The following CDH23 variants were observed in gnomAD, a reference collection of about 807,000 sequenced individuals.
CDH23 encodes cadherin related 23.
CDH23 carries 189 observed loss-of-function variants against 317.1 expected under a neutral mutation model. The ratio of observed to expected loss-of-function variants is 0.60; its 90% CI spans 0.53 to 0.67. The LOEUF is 0.67. CDH23 is among the 30% of genes least tolerant of loss of function. The probability of loss-of-function intolerance (pLI) is 0.00; values close to 1 mark genes in which losing one functional copy is unlikely to be tolerated. For missense variants in CDH23, 4,401 were observed against 4,592.4 expected, an observed-to-expected ratio of 0.96 and a Z score of 1.20; for synonymous variants, 1,839 against 1,876.8, an observed-to-expected ratio of 0.98 and a Z score of 0.52.
At chr10:71,628,048 C>A (rs1051145614) in intron 11 of CDH23, among the ~76,000 whole-genome samples, 1 of 152,216 alleles carries the variant, frequency 6.6e-6, no homozygotes, top group Non-Finnish European at 1.5e-5. Context: ...CACCTCATAC[C>A]CCTAACAGTG....
intron 3 of CDH23, among the ~76,000 whole-genome samples, chr10:71,463,568 G>A (rs1025570038): frequency 6.6e-5 from 10 of 152,194 alleles, no homozygotes; most frequent in African/African-American, 2.4e-4. Flanking sequence ...GCTCAGCAGG[G>A]ATCGCTGAAG....
At chr10:71,660,147 G>A (rs187882142) in intron 14 of CDH23, among the ~76,000 whole-genome samples, 1 of 152,040 alleles carries the variant, frequency 6.6e-6, no homozygotes, top group African/African-American at 2.4e-5. Flanking sequence ...TTTTAGTAGA[G>A]ATGGGGTTTC....
intron 9 of CDH23, among the ~76,000 whole-genome samples, chr10:71,606,639 G>A (rs897989519): frequency 1.3e-5 from 2 of 152,200 alleles, no homozygotes; most frequent in Non-Finnish European, 2.9e-5. Flanking sequence ...ATTCCAGTAG[G>A]GAGAAACAGA....
intron 9 of CDH23, among the ~76,000 whole-genome samples, chr10:71,581,899 C>G (rs750421077): frequency 3.9e-5 from 6 of 152,110 alleles, no homozygotes; most frequent in Non-Finnish European, 5.9e-5. Context: ...GCTGCACTCA[C>G]CCCCCCAACA....
intron 2 of CDH23, among the ~76,000 whole-genome samples, chr10:71,442,450 C>A (rs1409652992): frequency 6.6e-6 from 1 of 152,150 alleles, no homozygotes; most frequent in Non-Finnish European, 1.5e-5. Flanking sequence ...TCAGACCACA[C>A]TGCCCTCGCC....
chr10:71,800,714 C>A lies in CDH23; in HGVS notation c.7441C>A (p.Pro2481Thr), dbSNP rs748031825. The A allele has an allele frequency of 8.1e-6, 13 of 1,613,930 alleles. No homozygotes were observed. Among genetic ancestry groups the A allele is most frequent in the Middle Eastern group, 1.6e-4 (1 of 6,062 alleles). Reference sequence around the variant, plus strand: ...CCTGACTGCCTTGGCCAAAGACAACCCTGGGGATGTAGCCAGCAACCGTCG... The same window carrying A: ...CCTGACTGCCTTGGCCAAAGACAACACTGGGGATGTAGCCAGCAACCGTCG... ...YILTALAKDNPGDVASNRREN... is the reference protein window; with the variant it reads ...YILTALAKDNTGDVASNRREN... The change falls in exon 53 of 70, where the codon CCT becomes ACT. Residue 2481 changes from proline to threonine, a missense_variant. By Grantham distance (38) the Pro-to-Thr change is conservative. Transcript: ENST00000224721.
intron 11 of CDH23, among the ~76,000 whole-genome samples, chr10:71,632,280 G>A (rs1370447748): frequency 6.6e-6 from 1 of 152,206 alleles, no homozygotes; most frequent in Non-Finnish European, 1.5e-5. Context: ...CATTAAATCA[G>A]CAAGTGCGTA....
intron 17 of CDH23, among the ~76,000 whole-genome samples, chr10:71,681,363 A>G (rs1348059973): frequency 2.0e-5 from 3 of 152,134 alleles, no homozygotes; most frequent in Non-Finnish European, 4.4e-5. Flanking sequence ...ATGGCTTAGC[A>G]CAAACAAGTA....
At chr10:71,635,952 C>G (rs536396758) in intron 11 of CDH23, among the ~76,000 whole-genome samples, 2 of 152,114 alleles carry the variant, frequency 1.3e-5, no homozygotes, top group South Asian at 4.1e-4. Context: ...TCTGGGGTCC[C>G]TTTTATAAGG....
At chr10:71,771,498 C>G (rs1288110566) in intron 38 of CDH23, among the ~76,000 whole-genome samples, 1 of 152,240 alleles carries the variant, frequency 6.6e-6, no homozygotes, top group Non-Finnish European at 1.5e-5. Context: ...GCTGACCATG[C>G]CTGCAACCAG....
Position 71,463,113 on chromosome 10 carries a change from A to G in CDH23, c.145+16718A>G, listed in dbSNP as rs183351552. 2.1e-3 allele frequency among the ~76,000 whole-genome samples: 313 copies of G among 152,384 alleles called. 1 individual carries two copies. The highest frequency in any genetic ancestry group is 3.1e-3 in the Non-Finnish European group (214 of 68,038). ...TACTTGATTGACTAGAAATGTGTCAATGAGAAAACTGGTACTGCTTCTTAG... is the reference window on the plus strand; with the variant it reads ...TACTTGATTGACTAGAAATGTGTCAGTGAGAAAACTGGTACTGCTTCTTAG... On this transcript the variant is annotated intron_variant, in intron 3 of 69. Coordinates refer to ENST00000224721, the MANE Select transcript of CDH23 (RefSeq NM_022124.6).
chr10:71,553,170 T>C (rs1452754079), intron 6 of CDH23, among the ~76,000 whole-genome samples: 1 of 152,150 alleles, frequency 6.6e-6, no homozygotes, highest in South Asian at 2.1e-4. Flanking sequence ...GTGTGAACCA[T>C]TGGAATAGAC....
Position 71,645,908 on chromosome 10 carries a change from G to A in CDH23, c.1218G>A (p.Gln406=), listed in dbSNP as rs375312983. 4.3e-6 allele frequency: 7 copies of A among 1,613,528 alleles called. No individual in the cohort carries two copies. In the African/African-American group the frequency reaches 9.3e-5, roughly 22 times the overall value. Residue 406 remains glutamine (Q), a synonymous_variant, in exon 13 of 70, where the codon CAG becomes CAA. Coordinates refer to ENST00000224721, the MANE Select transcript of CDH23 (RefSeq NM_022124.6). ...TCATCATCTCCCCGACCTCCGTCCA[G>A]GGGAAGGCGGACATTCGTATTCGGG... ...HHFIISPTSV[Q]GKADIRIRVA...
intron 40 of CDH23, 53 bp from the exon 41 acceptor site, chr10:71,779,214 C>G (rs1450972385): frequency 6.4e-7 from 1 of 1,569,330 alleles, no homozygotes; most frequent in Non-Finnish European, 8.8e-7. Flanking sequence ...AACTGAGGCC[C>G]AGCACAAAGC....
intron 3 of CDH23, among the ~76,000 whole-genome samples, chr10:71,461,306 G>A (rs1186791493): frequency 6.6e-6 from 1 of 152,214 alleles, no homozygotes; most frequent in African/African-American, 2.4e-5. Context: ...TTCTCCCTCG[G>A]AGTCCCCTGG....
At chr10:71,721,587 A>G (rs10999973) in intron 28 of CDH23, among the ~76,000 whole-genome samples, 3,114 of 152,258 alleles carry the variant, frequency 0.02, 218 homozygotes, top group East Asian at 0.19. Context: ...GGTGTGCCTG[A>G]CCCAGGGCCC....
intron 11 of CDH23, among the ~76,000 whole-genome samples, chr10:71,642,753 G>A (rs1471879636): frequency 6.6e-6 from 1 of 152,062 alleles, no homozygotes; most frequent in Admixed American, 6.5e-5. Context: ...GCAACCATGG[G>A]CTGCTCAGTC....
chr10:71,439,725 GCCC>G, intron 1 of CDH23, 99 bp from the exon 2 acceptor site: 2 of 802,256 alleles, frequency 2.5e-6, no homozygotes, highest in South Asian at 1.6e-5. Context: ...TCCCTTCCCA[GCCC>G]CAGTTCTCTC....
At chr10:71,586,655 T>C (rs34069326) in intron 9 of CDH23, among the ~76,000 whole-genome samples, 22,279 of 152,118 alleles carry the variant, frequency 0.15, 2,279 homozygotes, top group African/African-American at 0.28. Context: ...GTTCCTCCTC[T>C]ACCCCATTCC....
Sources: allele counts gnomAD v4.1 joint callset (sites outside exome capture counted in the v4.1 genomes callset), GRCh38; gene constraint gnomAD v4.1.1; transcripts MANE v1.5; gene names NCBI Gene and HGNC (gene_info 2026-07-23, HGNC 2026-07-21).